The following UBR1 variants were observed in gnomAD, a reference collection of about 807,000 sequenced individuals.
UBR1 encodes the protein ubiquitin protein ligase E3 component n-recognin 1, also known as E3 ubiquitin-protein ligase UBR1.
Under a neutral mutation model 242.1 loss-of-function variants are expected in UBR1, and 102 were observed. The ratio of observed to expected loss-of-function variants is 0.42; its 90% CI spans 0.36 to 0.50. UBR1 has a LOEUF of 0.50. UBR1 is among the 20% of genes least tolerant of loss of function. The pLI is 0.01. For synonymous variants in UBR1, 675 were observed against 684.8 expected, an observed-to-expected ratio of 0.99 and a Z score of 0.22; for missense variants, 1,772 against 2,101.8, an observed-to-expected ratio of 0.84 and a Z score of 3.07.
At chr15:43,038,104 C>A in intron 16 of UBR1, 67 bp downstream of exon 16, 1 of 1,544,526 alleles carries the variant, frequency 6.5e-7, no homozygotes. Context: ...ATCTCCTTCT[C>A]GTCCATCAAC....
intron 40 of UBR1, 128 bp downstream of exon 40, chr15:42,970,392 A>T: frequency 1.0e-6 from 1 of 990,582 alleles, no homozygotes; most frequent in Non-Finnish European, 1.6e-6. Flanking sequence ...TAAAAACCCT[A>T]CAAGAAAACC....
At chr15:42,964,658 G>T (rs1463998210) in intron 41 of UBR1, among the ~76,000 whole-genome samples, 6 of 152,064 alleles carry the variant, frequency 3.9e-5, no homozygotes, top group Non-Finnish European at 8.8e-5. Context: ...GCCCCTGGTT[G>T]CCTCTTAGAC....
chr15:43,089,482 G>A (rs1389176356), intron 1 of UBR1, among the ~76,000 whole-genome samples: 2 of 152,138 alleles, frequency 1.3e-5, no homozygotes, highest in African/African-American at 2.4e-5. Context: ...GCGACAGAGC[G>A]AGAGTCCATC....
intron 29 of UBR1, chr15:43,011,840 T>G: frequency 4.7e-6 from 2 of 428,526 alleles, no homozygotes; most frequent in South Asian, 3.4e-5. Context: ...AAGGAAAAAT[T>G]AGAAGCAACC....
At chr15:43,045,043 T>G (rs1322949368) in intron 14 of UBR1, among the ~76,000 whole-genome samples, 1 of 152,198 alleles carries the variant, frequency 6.6e-6, no homozygotes, top group Non-Finnish European at 1.5e-5. Context: ...TAGAAAACAG[T>G]GGCTCTGAGA....
intron 13 of UBR1, among the ~76,000 whole-genome samples, chr15:43,048,077 C>A (rs986897778): frequency 6.6e-6 from 1 of 151,880 alleles, no homozygotes; most frequent in African/African-American, 2.4e-5. Context: ...ATCCCAGCTA[C>A]TTGGGAGACT....
intron 27 of UBR1, 25 bp downstream of exon 27, chr15:43,021,250 T>C (rs1288849971): frequency 2.5e-6 from 4 of 1,592,554 alleles, no homozygotes; most frequent in Non-Finnish European, 8.6e-7. Context: ...AACCAAGATA[T>C]GATCACTTTA....
chr15:43,002,821 CT>C, intron 31 of UBR1, 117 bp from the exon 32 acceptor site: 1 of 1,255,130 alleles, frequency 8.0e-7, no homozygotes, highest in Non-Finnish European at 1.1e-6. Context: ...CAATAAACAT[CT>C]TTAGAACATA....
chr15:43,067,287 G>A (rs888923182), intron 6 of UBR1, among the ~76,000 whole-genome samples: 5 of 151,800 alleles, frequency 3.3e-5, no homozygotes, highest in East Asian at 3.9e-4. Flanking sequence ...CTATACATAC[G>A]AAACACAGAG....
At position 42,943,685 on chromosome 15, in the gene UBR1, A is replaced by G. The variant is rs2031687221; in HGVS notation, c.*1644T>C. 1 of 152,202 alleles carries G rather than the reference A, an allele frequency of 6.6e-6. No individual in the cohort carries two copies. Among genetic ancestry groups the G allele is most frequent in the Non-Finnish European group, 1.5e-5 (1 of 68,038 alleles). The allele number at this position is 152,202 out of a possible 1,614,324, so 9.4% of individuals were successfully genotyped here. On this transcript the variant is annotated 3_prime_UTR_variant, in exon 47 of 47. Transcript: ENST00000290650. ...ATTCTAGCCCAGATTTCCCAGTCAA[A>G]CAATCCACTCAATACAATTATATAA...
chr15:43,058,263 A>G, intron 10 of UBR1, 78 bp downstream of exon 10: 1 of 990,420 alleles, frequency 1.0e-6, no homozygotes, highest in Non-Finnish European at 1.5e-6. Context: ...TTTGATTCAT[A>G]ATTATCCCTG....
intron 9 of UBR1, 69 bp from the exon 10 acceptor site, chr15:43,058,498 G>C: frequency 9.7e-7 from 1 of 1,033,798 alleles, no homozygotes. Flanking sequence ...AAACATTCTG[G>C]CTATTAGAGT....
intron 1 of UBR1, among the ~76,000 whole-genome samples, chr15:43,088,866 A>G (rs1221799955): frequency 1.3e-5 from 2 of 152,128 alleles, no homozygotes; most frequent in Non-Finnish European, 2.9e-5. Context: ...CTTTTAAAAA[A>G]TCTACATGAG....
intron 15 of UBR1, among the ~76,000 whole-genome samples, chr15:43,041,935 T>G (rs1401157934): frequency 1.3e-5 from 2 of 151,986 alleles, no homozygotes; most frequent in African/African-American, 4.8e-5. Flanking sequence ...CTGATCAAAA[T>G]CACTAATCAC....
intron 12 of UBR1, among the ~76,000 whole-genome samples, chr15:43,050,160 G>A (rs1258806955): frequency 1.3e-5 from 2 of 151,836 alleles, no homozygotes; most frequent in Non-Finnish European, 2.9e-5. Context: ...TGTTGCCCAG[G>A]CTGGTTGCAA....
At chr15:42,964,434 A>C (rs1258620842) in intron 41 of UBR1, among the ~76,000 whole-genome samples, 3 of 152,062 alleles carry the variant, frequency 2.0e-5, no homozygotes, top group Non-Finnish European at 2.9e-5. Flanking sequence ...GCGCTATTGC[A>C]CTCCAGCCTG....
At position 43,047,296 on chromosome 15, in the gene UBR1, T is replaced by C. The variant is rs1373862081; in HGVS notation, c.1540-7A>G. 6.2e-7 allele frequency: 1 copy of C among 1,614,126 alleles called. No homozygotes were observed. The highest frequency in any genetic ancestry group is 1.3e-5 in the African/African-American group (1 of 75,066). ...TTCGGATTTCTTCCATTCCCTGCAA[T>C]TACAAGTTGGTCAACATACACCTAT... On this transcript the variant is annotated splice_region_variant and splice_polypyrimidine_tract_variant and intron_variant, in intron 13 of 46. Transcript: ENST00000290650.
chr15:43,077,665 GAA>G (rs1180854436), intron 3 of UBR1, among the ~76,000 whole-genome samples: 4 of 126,858 alleles, frequency 3.2e-5, no homozygotes, highest in African/African-American at 8.8e-5. Flanking sequence ...AAAAATCTGA[GAA>G]AAAAAAAAAT....
In UBR1 at chr15:42,988,867, C is replaced by T. The variant is rs767055800; in HGVS notation, c.3949G>A (p.Val1317Ile). The change falls in exon 35 of 47, where the codon GTC becomes ATC. Residue 1317 changes from valine (V) to isoleucine (I), a missense_variant. This residue lies in a region of UBR1 where 965 missense variants were observed against 1,079.7 expected (regional missense o/e 0.89). Coordinates refer to ENST00000290650, the MANE Select transcript of UBR1 (RefSeq NM_174916.3). ...KVPPDERDPR[V>I]PMLTWSTCAF... ...CAGGTGCTCCAGGTCAGCATGGGGACTCGAGGATCCCTTTCATCAGGTGGC... is the reference window on the plus strand; with the variant it reads ...CAGGTGCTCCAGGTCAGCATGGGGATTCGAGGATCCCTTTCATCAGGTGGC... 2.5e-6 allele frequency: 4 copies of T among 1,614,076 alleles called. No homozygotes were observed. The African/African-American group carries it at 4.0e-5, about 16-fold the overall frequency.
Sources: gnomAD v4.1 joint callset for allele counts (sites outside exome capture counted in the v4.1 genomes callset) on GRCh38, gnomAD v4.1.1 for gene constraint, gnomAD v4.1.1 regional missense constraint, MANE v1.5 for transcripts, NCBI Gene and HGNC (gene_info 2026-07-23, HGNC 2026-07-21) for gene names.